ITSN1: variants seen among roughly 807,000 people sequenced by gnomAD.
ITSN1 encodes intersectin 1.
A neutral mutation model predicts 239.8 loss-of-function variants in ITSN1; 58 were observed. The ratio of observed to expected loss-of-function variants is 0.24; its 90% CI spans 0.20 to 0.30. The LOEUF (loss-of-function observed/expected upper bound fraction) is 0.30, where lower values mean the gene tolerates loss of function less well. ITSN1 is among the 10% of genes least tolerant of loss of function. The probability of loss-of-function intolerance (pLI) is 1.00; values close to 1 mark genes in which losing one functional copy is unlikely to be tolerated. For missense variants in ITSN1, 1,558 were observed against 2,103.3 expected (o/e 0.74, Z 5.07); for synonymous variants, 780 against 770.8 (o/e 1.01, Z -0.20).
intron 29 of ITSN1, among the ~76,000 whole-genome samples, chr21:33,841,657 G>A (rs779767977): frequency 2.6e-5 from 4 of 152,276 alleles, no homozygotes; most frequent in South Asian, 4.1e-4. Flanking sequence ...AGCACAGGGC[G>A]GGGGCAACAC....
chr21:33,879,039 G>A (rs1249625484), intron 34 of ITSN1, among the ~76,000 whole-genome samples: 6 of 152,100 alleles, frequency 3.9e-5, no homozygotes, highest in Admixed American at 2.6e-4. Flanking sequence ...GCTTGACTGC[G>A]TGTTGCAGGA....
chr21:33,676,508 A>T (rs1247499525), intron 1 of ITSN1, among the ~76,000 whole-genome samples: 1 of 152,198 alleles, frequency 6.6e-6, no homozygotes, highest in Non-Finnish European at 1.5e-5. Context: ...GATTATAGGC[A>T]TGAGCCACCG....
At chr21:33,794,313 A>G (rs2071372213) in intron 16 of ITSN1, 28 bp from the exon 17 acceptor site, 2 of 1,552,804 alleles carry the variant, frequency 1.3e-6, no homozygotes, top group South Asian at 2.3e-5. Flanking sequence ...TCATGTCGCT[A>G]CATGAACTGT....
chr21:33,885,793 G>A (rs1284334320), intron 38 of ITSN1, among the ~76,000 whole-genome samples: 1 of 152,176 alleles, frequency 6.6e-6, no homozygotes, highest in African/African-American at 2.4e-5. Flanking sequence ...GACAGGAAGG[G>A]CCTAGTTTCA....
chr21:33,800,018 T>A, intron 19 of ITSN1, 89 bp downstream of exon 19: 1 of 1,354,226 alleles, frequency 7.4e-7, no homozygotes, highest in East Asian at 2.4e-5. Flanking sequence ...TGTGAGATTG[T>A]CAGTGAGTAT....
chr21:33,645,528 C>T (rs1047861202), intron 1 of ITSN1, among the ~76,000 whole-genome samples: 1 of 152,076 alleles, frequency 6.6e-6, no homozygotes, highest in Non-Finnish European at 1.5e-5. Context: ...CCTATATTCC[C>T]AGCTTTTCTA....
chr21:33,749,225 A>G (rs2067389301), intron 5 of ITSN1, among the ~76,000 whole-genome samples: 1 of 152,130 alleles, frequency 6.6e-6, no homozygotes, highest in South Asian at 2.1e-4. Context: ...CCTGCCCTCA[A>G]GAGATCTTCC....
Position 33,894,714 on chromosome 21 carries a change from G to C in ITSN1, c.*6414G>C, listed in dbSNP as rs1383277956. On this transcript the variant is annotated 3_prime_UTR_variant, in exon 40 of 40. Coordinates refer to ENST00000381318, the MANE Select transcript of ITSN1 (RefSeq NM_003024.3). ...TTCCTGTGCGACTCTGCTTCTCTTC[G>C]CTTTTGCATTTCTCTTTTTTAACTC... is the stretch of plus-strand genomic sequence containing the variant. The C allele has an allele frequency of 1.3e-5, 2 of 152,278 alleles. No individual in the cohort carries two copies. Among genetic ancestry groups the C allele is most frequent in the African/African-American group, 4.8e-5 (2 of 41,538 alleles). 9.4% of individuals were successfully genotyped at this position (152,278 alleles called of 1,614,324 possible).
intron 28 of ITSN1, among the ~76,000 whole-genome samples, chr21:33,835,289 T>C (rs1395218464): frequency 1.3e-5 from 2 of 152,128 alleles, no homozygotes; most frequent in African/African-American, 2.4e-5. Context: ...AGGAATGTGG[T>C]TCCCGCAGGG....
intron 5 of ITSN1, among the ~76,000 whole-genome samples, chr21:33,747,670 G>A (rs1373931136): frequency 1.3e-5 from 2 of 152,170 alleles, no homozygotes; most frequent in African/African-American, 4.8e-5. Context: ...GAGGTTAGAA[G>A]GCAGTGGAAT....
chr21:33,692,141 C>T (rs890473137), intron 1 of ITSN1, among the ~76,000 whole-genome samples: 7 of 152,112 alleles, frequency 4.6e-5, no homozygotes, highest in Non-Finnish European at 7.4e-5. Flanking sequence ...GAGGAGGTTG[C>T]GGCTTCGTTG....
chr21:33,780,183 T>C (rs1569164052), intron 14 of ITSN1, among the ~76,000 whole-genome samples: 1 of 152,216 alleles, frequency 6.6e-6, no homozygotes, highest in Non-Finnish European at 1.5e-5. Flanking sequence ...AATTTAGGGA[T>C]GAAGGCCATG....
chr21:33,870,388 A>G (rs1019632456), intron 33 of ITSN1, among the ~76,000 whole-genome samples: 4 of 152,208 alleles, frequency 2.6e-5, no homozygotes, highest in Non-Finnish European at 5.9e-5. Context: ...AAAAGGGGGA[A>G]AAAAACTCAT....
At chr21:33,710,994 C>G (rs956358678) in intron 1 of ITSN1, among the ~76,000 whole-genome samples, 1 of 151,410 alleles carries the variant, frequency 6.6e-6, no homozygotes, top group African/African-American at 2.4e-5. Context: ...TTAGTAGAGA[C>G]GTTGGCCAGG....
At chr21:33,719,451 A>G (rs907952923) in intron 2 of ITSN1, among the ~76,000 whole-genome samples, 5 of 152,156 alleles carry the variant, frequency 3.3e-5, no homozygotes, top group African/African-American at 1.2e-4. Context: ...TAAATAAACA[A>G]ACAAACAAAC....
In ITSN1 at chr21:33,799,862, G is replaced by A. The variant is rs985361819; in HGVS notation, c.2237G>A (p.Arg746Gln). 12 of 1,613,474 alleles carry A rather than the reference G, an allele frequency of 7.4e-6. No homozygotes were observed. Among genetic ancestry groups the A allele is most frequent in the African/African-American group, 2.7e-5 (2 of 74,808 alleles). ...AQENVKVVYY[R>Q]ALYPFESRSH... Reference sequence around the variant, plus strand: ...GAAAATGTAAAAGTGGTGTATTACCGGGCACTGTACCCCTTTGAATCCAGA... The same window carrying A: ...GAAAATGTAAAAGTGGTGTATTACCAGGCACTGTACCCCTTTGAATCCAGA... The change falls in exon 19 of 40, where the codon CGG (arginine) becomes CAG (glutamine). Residue 746 changes from arginine to glutamine, a missense_variant. Arg to Gln is a conservative substitution (Grantham distance 43). Coordinates refer to ENST00000381318, the MANE Select transcript of ITSN1 (RefSeq NM_003024.3).
chr21:33,682,797 C>T (rs1792570645), intron 1 of ITSN1, among the ~76,000 whole-genome samples: 1 of 152,124 alleles, frequency 6.6e-6, no homozygotes, highest in Admixed American at 6.5e-5. Flanking sequence ...GCTGGGATTG[C>T]AGGCTTGAGC....
intron 27 of ITSN1, among the ~76,000 whole-genome samples, chr21:33,831,534 G>A (rs1442531718): frequency 1.3e-5 from 2 of 152,148 alleles, no homozygotes; most frequent in Non-Finnish European, 2.9e-5. Context: ...GGAAACCTTT[G>A]CCATGCAGTG....
At chr21:33,855,763 T>A (rs1330932235) in intron 29 of ITSN1, among the ~76,000 whole-genome samples, 1 of 152,230 alleles carries the variant, frequency 6.6e-6, no homozygotes. Flanking sequence ...GATGGTCTTG[T>A]GCCAGGCTCT....
Sources: allele counts gnomAD v4.1 joint callset (sites outside exome capture counted in the v4.1 genomes callset), GRCh38; gene constraint gnomAD v4.1.1; transcripts MANE v1.5; gene names NCBI Gene and HGNC (gene_info 2026-07-23, HGNC 2026-07-21).